Variants in TMEM243 observed in about 807,000 individuals in gnomAD.
TMEM243 encodes the protein MDR1 and mitochondrial taxol resistance associated.
In TMEM243, 20 loss-of-function variants were observed where a neutral mutation model predicts 15.0. The observed-to-expected ratio is 1.33, with a 90% confidence interval of 0.94 to 1.93. The LOEUF (loss-of-function observed/expected upper bound fraction) is 1.93, where lower values mean the gene tolerates loss of function less well. Ranked by LOEUF, TMEM243 falls within the 30% of genes most tolerant of loss-of-function variation. TMEM243 has a pLI of 0.00. For synonymous variants in TMEM243, 72 were observed against 52.7 expected (o/e 1.37, Z -1.59); for missense variants, 156 against 142.1 (o/e 1.10, Z -0.50).
intron 1 of TMEM243, among the ~76,000 whole-genome samples, chr7:87,208,527 T>TCACCCCCAAACCTC (rs1802389218): frequency 1.3e-5 from 2 of 152,196 alleles, no homozygotes; most frequent in African/African-American, 4.8e-5. Context: ...CAGCTCCAGG[T>TCACCCCCAAACCTC]CACCCCCAAA....
At chr7:87,206,462 G>A (rs1335359051) in intron 1 of TMEM243, among the ~76,000 whole-genome samples, 1 of 152,094 alleles carries the variant, frequency 6.6e-6, no homozygotes, top group African/African-American at 2.4e-5. Flanking sequence ...TTACCGGCAG[G>A]GGATACACTC....
chr7:87,220,042 C>T (rs551678304), upstream of TMEM243, among the ~76,000 whole-genome samples: 1 of 152,362 alleles, frequency 6.6e-6, no homozygotes, highest in African/African-American at 2.4e-5. Context: ...GCATTGAGAA[C>T]CCCTCGCCTA....
chr7:87,216,951 A>G (rs576993404), intron 1 of TMEM243: 1 of 152,352 alleles, frequency 6.6e-6, no homozygotes, highest in East Asian at 1.9e-4. Flanking sequence ...CCTTAGTTGT[A>G]TAACAGAAAT....
At chr7:87,199,267 T>C (rs951676377) in intron 1 of TMEM243, 36 of 470,638 alleles carry the variant, frequency 7.6e-5, no homozygotes, top group Non-Finnish European at 1.3e-4. Context: ...GGGGAAGGTT[T>C]CTTGAAGGGA....
Position 87,199,038 on chromosome 7 carries a change from A to G in TMEM243, c.98T>C (p.Val33Ala). The G allele has an allele frequency of 6.2e-7, 1 of 1,606,400 alleles. No individual in the cohort carries two copies. Among genetic ancestry groups the G allele is most frequent in the South Asian group, 1.1e-5 (1 of 89,500 alleles). The change falls in exon 2 of 4, where the codon GTT becomes GCT. Residue 33 changes from valine (V) to alanine (A), a missense_variant. By Grantham distance (64) the Val-to-Ala change is moderately conservative (BLOSUM62 0). Coordinates refer to ENST00000257637, the MANE Select transcript of TMEM243 (RefSeq NM_024315.4). Reference sequence around the variant, plus strand: ...CAATAAGGATGTTAAGCTGCCAACAACTAAATTGATGATTCGATCCTGAAA... The same window carrying G: ...CAATAAGGATGTTAAGCTGCCAACAGCTAAATTGATGATTCGATCCTGAAA... ...TSAKDRIINL[V>A]VGSLTSLLIL...
At chr7:87,218,218 T>G (rs1803245370) in intron 1 of TMEM243, among the ~76,000 whole-genome samples, 1 of 152,216 alleles carries the variant, frequency 6.6e-6, no homozygotes, top group Non-Finnish European at 1.5e-5. Flanking sequence ...AAAGTTTGCC[T>G]AAGATGGAAC....
intron 3 of TMEM243, among the ~76,000 whole-genome samples, chr7:87,197,519 A>C (rs763984732): frequency 1.3e-5 from 2 of 151,992 alleles, no homozygotes; most frequent in Non-Finnish European, 2.9e-5. Flanking sequence ...TTGGGAAACA[A>C]ACATGTAGAT....
chr7:87,201,250 C>T (rs1801785482), intron 1 of TMEM243, among the ~76,000 whole-genome samples: 1 of 152,176 alleles, frequency 6.6e-6, no homozygotes, highest in Non-Finnish European at 1.5e-5. Context: ...ACTTCAGAAG[C>T]CCTCCTACTT....
intron 3 of TMEM243, 125 bp downstream of exon 3, chr7:87,197,816 T>C: frequency 6.5e-7 from 1 of 1,546,964 alleles, no homozygotes; most frequent in African/African-American, 1.4e-5. Context: ...AACATACTTT[T>C]AGGGGGAGGA....
At chr7:87,207,255 A>G (rs749937700) in intron 1 of TMEM243, among the ~76,000 whole-genome samples, 2 of 152,224 alleles carry the variant, frequency 1.3e-5, no homozygotes, top group Admixed American at 6.5e-5. Flanking sequence ...ATGCTCCCCA[A>G]CACTCCCAGA....
At chr7:87,219,389 C>T (rs375275156) in intron 1 of TMEM243, 37 bp downstream of exon 1, 4 of 1,598,774 alleles carry the variant, frequency 2.5e-6, no homozygotes, top group Middle Eastern at 1.7e-4. Flanking sequence ...AGCAGACACA[C>T]CCCCCATCCC....
At chr7:87,205,143 C>T (rs76576265) in intron 1 of TMEM243, among the ~76,000 whole-genome samples, 3 of 152,194 alleles carry the variant, frequency 2.0e-5, no homozygotes, top group Non-Finnish European at 1.5e-5. Flanking sequence ...AGTCCCTAAG[C>T]GGCATACAGC....
Position 87,199,037 on chromosome 7 carries a change from A to G in TMEM243, c.99T>C (p.Val33=). Residue 33 remains valine (V), a synonymous_variant, in exon 2 of 4, where the codon GTT becomes GTC. Transcript: ENST00000257637. Reference sequence around the variant, plus strand: ...TCAATAAGGATGTTAAGCTGCCAACAACTAAATTGATGATTCGATCCTGAA... The same window carrying G: ...TCAATAAGGATGTTAAGCTGCCAACGACTAAATTGATGATTCGATCCTGAA... ...TSAKDRIINL[V]VGSLTSLLIL... The G allele has an allele frequency of 6.2e-7, 1 of 1,606,344 alleles. No individual in the cohort carries two copies. The highest frequency in any genetic ancestry group is 8.5e-7 in the Non-Finnish European group (1 of 1,177,494).
At chr7:87,197,049 C>CTACTT (rs1404169791) in intron 3 of TMEM243, among the ~76,000 whole-genome samples, 1 of 152,078 alleles carries the variant, frequency 6.6e-6, no homozygotes, top group Admixed American at 6.6e-5. Flanking sequence ...CCTGGGCATA[C>CTACTT]TACTTAACAG....
At chr7:87,217,670 T>C (rs533864173) in intron 1 of TMEM243, among the ~76,000 whole-genome samples, 18 of 152,366 alleles carry the variant, frequency 1.2e-4, no homozygotes, top group African/African-American at 4.1e-4. Context: ...GGAATTAATA[T>C]ATATTAACTT....
chr7:87,213,781 C>T (rs200463853), intron 1 of TMEM243, among the ~76,000 whole-genome samples: 2 of 147,044 alleles, frequency 1.4e-5, no homozygotes, highest in African/African-American at 5.0e-5. Context: ...TTGTTTTCTT[C>T]TTTTTTTTTT....
intron 1 of TMEM243, among the ~76,000 whole-genome samples, chr7:87,206,901 G>A (rs1437287440): frequency 6.6e-6 from 1 of 152,210 alleles, no homozygotes; most frequent in Non-Finnish European, 1.5e-5. Context: ...CACCAGTAGA[G>A]ACCATTCATC....
intron 1 of TMEM243, among the ~76,000 whole-genome samples, chr7:87,200,159 G>T (rs570724126): frequency 4.7e-4 from 71 of 152,198 alleles, no homozygotes; most frequent in Non-Finnish European, 9.1e-4. Context: ...AGAAAGCCAA[G>T]TATTGGATGT....
intron 1 of TMEM243, among the ~76,000 whole-genome samples, chr7:87,216,049 T>A (rs930700539): frequency 6.6e-6 from 1 of 151,886 alleles, no homozygotes; most frequent in Non-Finnish European, 1.5e-5. Context: ...GGCGGGCAGA[T>A]CACAAGGTCA....
Sources: gnomAD v4.1 joint callset for allele counts (sites outside exome capture counted in the v4.1 genomes callset) on GRCh38, gnomAD v4.1.1 for gene constraint, MANE v1.5 for transcripts, NCBI Gene and HGNC (gene_info 2026-07-23, HGNC 2026-07-21) for gene names.